NFIC: variants seen among roughly 807,000 people sequenced by gnomAD.
NFIC encodes nuclear factor 1 C-type.
NFIC carries 12 observed loss-of-function variants against 54.4 expected under a neutral mutation model. That is an observed-to-expected ratio of 0.22 (90% CI 0.14 to 0.36). The LOEUF (loss-of-function observed/expected upper bound fraction) is 0.36, where lower values mean the gene tolerates loss of function less well. NFIC is among the 10% of genes least tolerant of loss of function. NFIC has a pLI of 1.00. For synonymous variants in NFIC, 322 were observed against 319.2 expected, an observed-to-expected ratio of 1.01 and a Z score of -0.09; for missense variants, 575 against 718.2, an observed-to-expected ratio of 0.80 and a Z score of 2.28.
rs1032361286 is a variant in NFIC, at chr19:3,369,875, C to T, written c.30+3209C>T. Among the ~76,000 whole-genome samples the T allele has an allele frequency of 3.9e-5, 6 of 152,218 alleles. No individual in the cohort carries two copies. Among genetic ancestry groups the T allele is most frequent in the East Asian group, 1.9e-4 (1 of 5,198 alleles). On this transcript the variant is annotated intron_variant, in intron 1 of 10. Coordinates refer to ENST00000443272, the MANE Select transcript of NFIC (RefSeq NM_001245002.2). This position sits in a 1 kb window ranked among gnomAD's most constrained non-coding sequence, Gnocchi z 4.3. Reference sequence around the variant, plus strand: ...CCCGCCACCGGGTCCCTGTCTCATTCGTTCGTTGTTTCCTTCATTCGTTCG... The same window carrying T: ...CCCGCCACCGGGTCCCTGTCTCATTTGTTCGTTGTTTCCTTCATTCGTTCG...
intron 6 of NFIC, among the ~76,000 whole-genome samples, chr19:3,447,878 C>T (rs1027212206): frequency 1.3e-5 from 2 of 152,134 alleles, no homozygotes; most frequent in Non-Finnish European, 2.9e-5. Flanking sequence ...TGAGTCCATC[C>T]GTTTTTTGTT....
intron 2 of NFIC, among the ~76,000 whole-genome samples, chr19:3,392,847 A>G (rs2081396656): frequency 6.6e-6 from 1 of 152,228 alleles, no homozygotes; most frequent in Non-Finnish European, 1.5e-5. Flanking sequence ...TCTCGTCCAG[A>G]TGGGGAAACT....
chr19:3,363,269 ATT>A (rs1178364391), upstream of NFIC, among the ~76,000 whole-genome samples: 1,167 of 36,458 alleles, frequency 0.032, 10 homozygotes, highest in African/African-American at 0.051. Context: ...ATATATATAT[ATT>A]TTTTTTTTTT....
At chr19:3,371,879 CTCTCCTTCCTTCCT>C (rs1177760020) in intron 1 of NFIC, among the ~76,000 whole-genome samples, 83 of 147,684 alleles carry the variant, frequency 5.6e-4, no homozygotes, top group African/African-American at 1.9e-3. Context: ...TTTTCTTTCT[CTCTCCTTCCTTCCT>C]TCCTTCCTTC....
chr19:3,417,867 TG>T (rs1293152643), intron 2 of NFIC, among the ~76,000 whole-genome samples: 1 of 149,856 alleles, frequency 6.7e-6, no homozygotes, highest in African/African-American at 2.5e-5. Context: ...CTCGATCTCC[TG>T]ACCTCATGAT....
At chr19:3,457,071 G>T (rs1457503232) in intron 10 of NFIC, among the ~76,000 whole-genome samples, 3 of 152,170 alleles carry the variant, frequency 2.0e-5, no homozygotes, top group Non-Finnish European at 4.4e-5. Context: ...CGGGGTGGCC[G>T]GGGGAAACTG....
chr19:3,403,652 A>G (rs1412841310), intron 2 of NFIC, among the ~76,000 whole-genome samples: 1 of 152,176 alleles, frequency 6.6e-6, no homozygotes, highest in Non-Finnish European at 1.5e-5. Context: ...AATTGCGGAG[A>G]GCCCTCCCCT....
chr19:3,397,337 G>A (rs2081480728), intron 2 of NFIC, among the ~76,000 whole-genome samples: 1 of 152,224 alleles, frequency 6.6e-6, no homozygotes, highest in African/African-American at 2.4e-5. Flanking sequence ...GTATGGCAGG[G>A]ACTGCCCTGG....
At chr19:3,449,504 A>G (rs1160147657) in intron 7 of NFIC, among the ~76,000 whole-genome samples, 1 of 152,164 alleles carries the variant, frequency 6.6e-6, no homozygotes, top group Non-Finnish European at 1.5e-5. Context: ...TCACACCTGT[A>G]ATCCCGGCAC....
At chr19:3,420,061 C>A (rs1277052910) in intron 2 of NFIC, among the ~76,000 whole-genome samples, 1 of 152,168 alleles carries the variant, frequency 6.6e-6, no homozygotes, top group East Asian at 1.9e-4. Context: ...TAGCTCACAC[C>A]TGTAATCCCA....
At chr19:3,432,753 C>A (rs957562116) in intron 3 of NFIC, among the ~76,000 whole-genome samples, 1 of 150,586 alleles carries the variant, frequency 6.6e-6, no homozygotes, top group East Asian at 2.0e-4. Flanking sequence ...CGGCTCACTG[C>A]AAGCTCCACC....
intron 1 of NFIC, among the ~76,000 whole-genome samples, chr19:3,368,074 G>T (rs981962575): frequency 7.3e-4 from 111 of 152,256 alleles, no homozygotes; most frequent in African/African-American, 2.6e-3. Flanking sequence ...TTTGGGGGGG[G>T]GGTTCCCGAA....
chr19:3,425,800 G>A (rs1014798888), intron 3 of NFIC, among the ~76,000 whole-genome samples: 3 of 151,736 alleles, frequency 2.0e-5, no homozygotes, highest in African/African-American at 4.8e-5. Flanking sequence ...TGCTGCCCAG[G>A]CTGGAGTGCA....
At chr19:3,460,451 C>T (rs746094502) in intron 10 of NFIC, among the ~76,000 whole-genome samples, 52 of 152,266 alleles carry the variant, frequency 3.4e-4, no homozygotes, top group Non-Finnish European at 6.6e-4. Flanking sequence ...GGAGACCTAC[C>T]CCCTCCTTCA....
chr19:3,411,528 G>A (rs1458074512), intron 2 of NFIC, among the ~76,000 whole-genome samples: 3 of 151,514 alleles, frequency 2.0e-5, no homozygotes, highest in Non-Finnish European at 2.9e-5. Flanking sequence ...AGGTTTCACC[G>A]TGTCGGTCAG....
At chr19:3,381,528 C>T (rs890277623) in intron 1 of NFIC, among the ~76,000 whole-genome samples, 184 bp from the exon 2 acceptor site, 4 of 152,192 alleles carry the variant, frequency 2.6e-5, no homozygotes, top group Admixed American at 1.3e-4. Context: ...CTGGGTCCCC[C>T]GGGCCTTTTG....
intron 6 of NFIC, among the ~76,000 whole-genome samples, chr19:3,436,309 ATTTTTTTTTTT>A (rs71166903): frequency 7.7e-4 from 66 of 85,510 alleles, no homozygotes; most frequent in African/African-American, 1.2e-3. Context: ...TGCGCCGTTA[ATTTTTTTTTTT>A]TTTTTTTTTT....
chr19:3,382,716 G>C (rs1456270893), intron 2 of NFIC, among the ~76,000 whole-genome samples: 1 of 151,998 alleles, frequency 6.6e-6, no homozygotes, highest in Admixed American at 6.6e-5. Flanking sequence ...CACGGGGCAA[G>C]GAGGGTCTGA....
rs59668846 is a variant in NFIC at position 3,465,151 on chromosome 19, TAAAAAAAAAAA to T, written c.*2395_*2405del. On this transcript the variant is annotated 3_prime_UTR_variant, in exon 11 of 11. Transcript: ENST00000443272. ...CCCCCTCCACCCCCCACTTCCTCTT[TAAAAAAAAAAA>T]AAAAAAAAAAAAGATACAAGAAAAA... The T allele has an allele frequency of 1.5e-5, 1 of 68,060 alleles. No individual in the cohort carries two copies. Among genetic ancestry groups the T allele is most frequent in the Non-Finnish European group, 2.4e-5 (1 of 40,870 alleles). The allele number at this position is 68,060 out of a possible 1,614,324, so 4.2% of individuals were successfully genotyped here.
Sources: gnomAD v4.1 joint callset for allele counts (sites outside exome capture counted in the v4.1 genomes callset) on GRCh38, gnomAD v4.1.1 for gene constraint, Gnocchi (gnomAD v3.1) non-coding constraint, MANE v1.5 for transcripts, NCBI Gene and HGNC (gene_info 2026-07-23, HGNC 2026-07-21) for gene names.